SEM1: variants seen among roughly 807,000 people sequenced by gnomAD.
The protein encoded by SEM1 is SEM1 26S proteasome subunit.
In SEM1, 3 loss-of-function variants were observed where a neutral mutation model predicts 12.7. The observed-to-expected ratio is 0.24, with a 90% CI of 0.11 to 0.61. The LOEUF (loss-of-function observed/expected upper bound fraction) is 0.61. Among genes scored for constraint, SEM1 ranks in the 20% least tolerant of loss-of-function variants. SEM1 has a pLI of 0.88. For synonymous variants in SEM1, 30 were observed against 27.8 expected, an observed-to-expected ratio of 1.08 and a Z score of -0.25; for missense variants, 59 against 81.3, an observed-to-expected ratio of 0.73 and a Z score of 1.06.
intron 2 of SEM1, among the ~76,000 whole-genome samples, chr7:96,536,966 T>C (rs896700276): frequency 2.0e-5 from 3 of 151,800 alleles, no homozygotes; most frequent in Non-Finnish European, 4.4e-5. Flanking sequence ...ACTTTCCTAT[T>C]TATTTCATCT....
At position 96,709,803 on chromosome 7, in the gene SEM1, A is replaced by G. The variant is rs1352204369; in HGVS notation, c.-40T>C. ...CCCAACACCTCCCAGATAAGCAGAA[A>G]AGTTGGAACCCTCACTCTTCCTCAA... On this transcript the variant is annotated 5_prime_UTR_variant, in exon 1 of 3. Transcript: ENST00000248566. 1.2e-6 allele frequency: 2 copies of G among 1,600,334 alleles called. No homozygotes were observed. Among genetic ancestry groups the G allele is most frequent in the Admixed American group, 1.7e-5 (1 of 59,842 alleles).
At chr7:96,624,821 C>T (rs1239872936) in intron 2 of SEM1, among the ~76,000 whole-genome samples, 1 of 152,058 alleles carries the variant, frequency 6.6e-6, no homozygotes, top group Non-Finnish European at 1.5e-5. Context: ...CAGGACAAAC[C>T]TGGGGCTGCA....
intron 2 of SEM1, among the ~76,000 whole-genome samples, chr7:96,552,010 T>G (rs918633131): frequency 5.3e-5 from 8 of 152,102 alleles, no homozygotes; most frequent in African/African-American, 1.9e-4. Context: ...GTACACAGAG[T>G]TGAGGTTGCC....
chr7:96,523,488 T>C (rs1371949088), intron 2 of SEM1, among the ~76,000 whole-genome samples: 1 of 152,142 alleles, frequency 6.6e-6, no homozygotes, highest in Non-Finnish European at 1.5e-5. Flanking sequence ...GATCACATTT[T>C]ACTAAGGAAG....
chr7:96,641,784 C>G (rs529810757), intron 2 of SEM1, among the ~76,000 whole-genome samples: 1 of 151,772 alleles, frequency 6.6e-6, no homozygotes, highest in African/African-American at 2.4e-5. Flanking sequence ...TAGTCCCCAT[C>G]GAGCCTATTA....
chr7:96,659,034 T>G (rs927923317), intron 2 of SEM1, among the ~76,000 whole-genome samples: 8 of 152,032 alleles, frequency 5.3e-5, no homozygotes, highest in African/African-American at 1.9e-4. Context: ...CTCAGAAAAC[T>G]TGGCAGATGT....
intron 2 of SEM1, among the ~76,000 whole-genome samples, chr7:96,571,546 C>CTG (rs1245849857): frequency 6.6e-6 from 1 of 150,750 alleles, no homozygotes; most frequent in Non-Finnish European, 1.5e-5. Context: ...GGCATCTGTT[C>CTG]TGTGTGTGTG....
At chr7:96,633,879 G>T (rs1370071620) in intron 2 of SEM1, among the ~76,000 whole-genome samples, 1 of 151,960 alleles carries the variant, frequency 6.6e-6, no homozygotes, top group Non-Finnish European at 1.5e-5. Flanking sequence ...AGACTGCCTA[G>T]AAAATTAAAG....
chr7:96,649,475 G>A (rs151078597), intron 2 of SEM1: 13 of 152,186 alleles, frequency 8.5e-5, no homozygotes, highest in African/African-American at 2.6e-4. Context: ...ATATCTAGCC[G>A]GTCCAATCCT....
intron 2 of SEM1, among the ~76,000 whole-genome samples, chr7:96,623,686 G>T (rs1022582842): frequency 6.6e-6 from 1 of 151,568 alleles, no homozygotes; most frequent in African/African-American, 2.4e-5. Context: ...TCCTGATTTT[G>T]TTGGTGATGC....
chr7:96,623,795 G>A (rs1347618787), intron 2 of SEM1, among the ~76,000 whole-genome samples: 1 of 152,048 alleles, frequency 6.6e-6, no homozygotes, highest in Non-Finnish European at 1.5e-5. Flanking sequence ...TTATCTCAAA[G>A]TTCCAGAAAC....
At chr7:96,639,020 T>C (rs1563093500) in intron 2 of SEM1, among the ~76,000 whole-genome samples, 1 of 151,990 alleles carries the variant, frequency 6.6e-6, no homozygotes, top group Non-Finnish European at 1.5e-5. Context: ...AATGAATATA[T>C]GAGCAGATCT....
intron 2 of SEM1, among the ~76,000 whole-genome samples, chr7:96,538,659 CA>C (rs1309625900): frequency 6.6e-6 from 1 of 151,724 alleles, no homozygotes; most frequent in East Asian, 1.9e-4. Context: ...GGAGGGGAAG[CA>C]TTGTAACATC....
intron 2 of SEM1, among the ~76,000 whole-genome samples, chr7:96,659,677 G>T (rs1236883048): frequency 6.6e-6 from 1 of 151,874 alleles, no homozygotes; most frequent in Admixed American, 6.6e-5. Context: ...GCATATTAAG[G>T]GTCTGTGTAT....
At chr7:96,584,969 G>A (rs190679647) in intron 2 of SEM1, among the ~76,000 whole-genome samples, 3,755 of 151,402 alleles carry the variant, frequency 0.025, 144 homozygotes, top group African/African-American at 0.086. Flanking sequence ...CTCTCAGCTC[G>A]TCAAAGTCAT....
At chr7:96,555,211 A>C (rs2115871562) in intron 2 of SEM1, among the ~76,000 whole-genome samples, 1 of 151,790 alleles carries the variant, frequency 6.6e-6, no homozygotes, top group South Asian at 2.1e-4. Flanking sequence ...TTCTGCTCTT[A>C]GTTATTTCTT....
rs116395877 is a variant in SEM1 at position 96,703,241 on chromosome 7, G to A, written c.76+6447C>T. On this transcript the variant is annotated intron_variant, in intron 1 of 2. Transcript: ENST00000248566. The stretch of plus-strand genomic sequence containing the variant: ...TGGTACTCAGAAAGTTTGAGATTCC[G>A]GAGGATTTCAGATTTGGGATGCTCA... Among the ~76,000 whole-genome samples the A allele has an allele frequency of 3.5e-3, 533 of 152,212 alleles. 4 individuals carry two copies. Among genetic ancestry groups the A allele is most frequent in the African/African-American group, 0.012 (502 of 41,526 alleles).
At chr7:96,566,859 C>G (rs929241112) in intron 2 of SEM1, among the ~76,000 whole-genome samples, 2 of 151,592 alleles carry the variant, frequency 1.3e-5, no homozygotes, top group Admixed American at 1.3e-4. Flanking sequence ...TTCCAGAAGA[C>G]TAGGCAATTG....
chr7:96,580,525 G>T (rs961388280), intron 2 of SEM1, among the ~76,000 whole-genome samples: 5 of 151,918 alleles, frequency 3.3e-5, no homozygotes, highest in Non-Finnish European at 2.9e-5. Flanking sequence ...TCCAGTTCTA[G>T]ATCCCTGAGG....
Sources: allele counts gnomAD v4.1 joint callset (sites outside exome capture counted in the v4.1 genomes callset), GRCh38; gene constraint gnomAD v4.1.1; transcripts MANE v1.5; gene names NCBI Gene and HGNC (gene_info 2026-07-23, HGNC 2026-07-21).